Variants in HS6ST3 observed in about 807,000 individuals in gnomAD.
HS6ST3 encodes heparan-sulfate 6-O-sulfotransferase 3.
Under a neutral mutation model 36.7 loss-of-function variants are expected in HS6ST3, and 12 were observed. The observed-to-expected ratio is 0.33, with a 90% CI of 0.21 to 0.53. The LOEUF is 0.53. HS6ST3 is among the 20% of genes least tolerant of loss of function. The pLI, the probability that HS6ST3 is intolerant of heterozygous loss-of-function variation, is 0.95. For missense variants in HS6ST3, 584 were observed against 640.9 expected, an observed-to-expected ratio of 0.91 and a Z score of 0.96; for synonymous variants, 240 against 257.5, an observed-to-expected ratio of 0.93 and a Z score of 0.65.
chr13:96,352,892 G>T (rs1204513629), intron 1 of HS6ST3, among the ~76,000 whole-genome samples: 2 of 152,002 alleles, frequency 1.3e-5, no homozygotes, highest in African/African-American at 4.8e-5. Context: ...CATTACAGGT[G>T]GGAATTGGGG....
At chr13:96,283,766 GT>G (rs1351191822) in intron 1 of HS6ST3, among the ~76,000 whole-genome samples, 2 of 152,118 alleles carry the variant, frequency 1.3e-5, no homozygotes, top group African/African-American at 4.8e-5. Context: ...GCTTTTAAAA[GT>G]TTAATGTGCA....
intron 1 of HS6ST3, among the ~76,000 whole-genome samples, chr13:96,652,561 T>C (rs1433674474): frequency 6.6e-6 from 1 of 152,148 alleles, no homozygotes; most frequent in East Asian, 1.9e-4. Context: ...AAAATAACCA[T>C]CATCACCTTG....
chr13:96,741,715 G>GAAGAAA (rs1876443225), intron 1 of HS6ST3, among the ~76,000 whole-genome samples: 2 of 152,150 alleles, frequency 1.3e-5, no homozygotes, highest in Non-Finnish European at 2.9e-5. Context: ...AAAATAAATA[G>GAAGAAA]AAGAAAATGT....
intron 1 of HS6ST3, among the ~76,000 whole-genome samples, chr13:96,122,638 A>G (rs1001640351): frequency 3.3e-5 from 5 of 152,210 alleles, no homozygotes. Context: ...GGGGGAGAAG[A>G]TACAATAGGT....
intron 1 of HS6ST3, among the ~76,000 whole-genome samples, chr13:96,494,292 G>C (rs568434070): frequency 1.3e-5 from 2 of 148,234 alleles, no homozygotes; most frequent in Non-Finnish European, 3.0e-5. Flanking sequence ...CTATCGCAAG[G>C]ACAAAAAACC....
chr13:96,116,508 C>A (rs372517643), intron 1 of HS6ST3, among the ~76,000 whole-genome samples: 1 of 152,134 alleles, frequency 6.6e-6, no homozygotes, highest in Non-Finnish European at 1.5e-5. Context: ...CCCCAAAATG[C>A]GTTTAACGTG....
chr13:96,317,344 A>T (rs1297701723), intron 1 of HS6ST3, among the ~76,000 whole-genome samples: 10 of 18,272 alleles, frequency 5.5e-4, no homozygotes, highest in Admixed American at 1.1e-3. Context: ...ATATATATAT[A>T]TATATATATA....
chr13:96,617,943 T>C (rs2056480406), intron 1 of HS6ST3, among the ~76,000 whole-genome samples: 1 of 152,220 alleles, frequency 6.6e-6, no homozygotes, highest in Admixed American at 6.5e-5. Flanking sequence ...CATCCCATCT[T>C]AGGAAAGTCC....
chr13:96,150,039 T>C (rs1300209485), intron 1 of HS6ST3, among the ~76,000 whole-genome samples: 2 of 152,182 alleles, frequency 1.3e-5, no homozygotes, highest in Non-Finnish European at 2.9e-5. Flanking sequence ...AAACAGGATA[T>C]GCCTGTTTTG....
rs2053760171 is a variant in HS6ST3, at chr13:96,091,074, T to G, written c.212T>G (p.Leu71Trp). 2 of 1,285,470 alleles carry G rather than the reference T, an allele frequency of 1.6e-6. No individual in the cohort carries two copies. Among genetic ancestry groups the G allele is most frequent in the South Asian group, 2.7e-5 (1 of 37,016 alleles). 79.6% of individuals were successfully genotyped at this position (1,285,470 alleles called of 1,614,324 possible). ...PPEEWERRPQ[L>W]PPPPRGPPEG... Reference sequence around the variant, plus strand: ...GAGGAGTGGGAGCGGCGGCCCCAGTTGCCCCCGCCGCCCCGGGGGCCCCCC... The same window carrying G: ...GAGGAGTGGGAGCGGCGGCCCCAGTGGCCCCCGCCGCCCCGGGGGCCCCCC... Residue 71 changes from leucine (L) to tryptophan (W), a missense_variant, in exon 1 of 2, where the codon TTG (leucine) becomes TGG (tryptophan). Around this residue, in one of 3 missense-constraint regions of HS6ST3, gnomAD observed 217 missense variants for 205.4 expected, o/e 1.06. Transcript: ENST00000376705.
intron 1 of HS6ST3, among the ~76,000 whole-genome samples, chr13:96,588,238 A>G (rs115799812): frequency 1.8e-3 from 267 of 146,604 alleles, no homozygotes; most frequent in African/African-American, 6.6e-3. Flanking sequence ...TTGCTTAACT[A>G]CTCTAGCTAG....
chr13:96,760,786 A>AT (rs1200026279), intron 1 of HS6ST3, among the ~76,000 whole-genome samples: 5 of 151,944 alleles, frequency 3.3e-5, no homozygotes, highest in Admixed American at 6.6e-5. Flanking sequence ...CAATTATTTT[A>AT]TTTTTTGCAT....
chr13:96,282,034 GT>G lies in HS6ST3; in HGVS notation c.707+190467del, dbSNP rs557241735. On this transcript the variant is annotated intron_variant, in intron 1 of 1. Coordinates refer to ENST00000376705, the MANE Select transcript of HS6ST3 (RefSeq NM_153456.4). ...TGAATTTTATAAGTCCTGTTGATAG[GT>G]TAACTTCTGTTGTATTTTAATCTTC... Among the ~76,000 whole-genome samples the G allele has an allele frequency of 1.1e-4, 17 of 152,248 alleles. No individual in the cohort carries two copies. The South Asian group carries it at 2.7e-3, about 24-fold the overall frequency.
chr13:96,824,926 G>A (rs904562273), intron 1 of HS6ST3, among the ~76,000 whole-genome samples: 7 of 152,174 alleles, frequency 4.6e-5, no homozygotes, highest in Non-Finnish European at 8.8e-5. Flanking sequence ...AGGTGAGTCA[G>A]GCAAGGTTCC....
chr13:96,312,445 TAATA>T (rs1206435953), intron 1 of HS6ST3, among the ~76,000 whole-genome samples: 36 of 152,320 alleles, frequency 2.4e-4, no homozygotes, highest in Non-Finnish European at 3.8e-4. Flanking sequence ...TATAATTTTA[TAATA>T]AATTATAGTT....
chr13:96,799,982 G>GTATATATATATATA (rs796234757), intron 1 of HS6ST3, among the ~76,000 whole-genome samples: 1 of 82,586 alleles, frequency 1.2e-5, no homozygotes, highest in Non-Finnish European at 2.3e-5. Flanking sequence ...ATATATATAT[G>GTATATATATATATA]TATATATATA....
At chr13:96,319,741 C>T (rs1436637060) in intron 1 of HS6ST3, among the ~76,000 whole-genome samples, 1 of 152,210 alleles carries the variant, frequency 6.6e-6, no homozygotes, top group Non-Finnish European at 1.5e-5. Flanking sequence ...CAATATTTAA[C>T]AAGCTTGTTA....
chr13:96,778,519 T>C (rs915392995), intron 1 of HS6ST3, among the ~76,000 whole-genome samples: 1 of 152,122 alleles, frequency 6.6e-6, no homozygotes, highest in Non-Finnish European at 1.5e-5. Context: ...AGGATATGAA[T>C]AGACACTTCT....
Position 96,617,451 on chromosome 13 carries a change from G to T in HS6ST3, c.708-215039G>T, listed in dbSNP as rs1594819422. ...AGTTCAAATATATTTCTTCATGGTT[G>T]AATTGCATTTTAAGAGTCAGTCAGT... On this transcript the variant is annotated intron_variant, in intron 1 of 1. Transcript: ENST00000376705. Among the ~76,000 whole-genome samples, 8 of 152,262 alleles carry T rather than the reference G, an allele frequency of 5.3e-5. No homozygotes were observed. The South Asian group carries it at 1.7e-3, about 32-fold the overall frequency.
Sources: allele counts gnomAD v4.1 joint callset (sites outside exome capture counted in the v4.1 genomes callset), GRCh38; gene constraint gnomAD v4.1.1; regional missense constraint gnomAD v4.1.1; transcripts MANE v1.5; gene names NCBI Gene and HGNC (gene_info 2026-07-23, HGNC 2026-07-21).